Variants in SYT16 observed in about 807,000 individuals in gnomAD.
SYT16 encodes synaptotagmin 16.
SYT16 carries 42 observed loss-of-function variants against 61.4 expected under a neutral mutation model. The ratio of observed to expected loss-of-function variants is 0.68; its 90% confidence interval spans 0.53 to 0.89. SYT16 has a LOEUF of 0.89. SYT16 is among the 40% of genes least tolerant of loss of function. The probability of loss-of-function intolerance (pLI) is 0.00; values close to 1 mark genes in which losing one functional copy is unlikely to be tolerated. For missense variants in SYT16, 804 were observed against 807.3 expected, an observed-to-expected ratio of 1.00 and a Z score of 0.05; for synonymous variants, 314 against 302.3, an observed-to-expected ratio of 1.04 and a Z score of -0.40.
intron 1 of SYT16, among the ~76,000 whole-genome samples, chr14:61,821,506 C>G (rs552383115): frequency 6.6e-6 from 1 of 152,196 alleles, no homozygotes; most frequent in Non-Finnish European, 1.5e-5. Flanking sequence ...AGATCCACTA[C>G]TGAGCTCATG....
intron 1 of SYT16, among the ~76,000 whole-genome samples, chr14:61,820,014 C>T (rs906478330): frequency 2.0e-5 from 3 of 152,172 alleles, no homozygotes; most frequent in Non-Finnish European, 4.4e-5. Flanking sequence ...TGAGAACAAT[C>T]TGACTCAGAA....
chr14:61,833,969 G>C (rs1594720742), intron 1 of SYT16, among the ~76,000 whole-genome samples: 1 of 96,352 alleles, frequency 1.0e-5, no homozygotes, highest in South Asian at 3.6e-4. Context: ...CTCTGGCTTT[G>C]ATTTTTTTTT....
intron 1 of SYT16, among the ~76,000 whole-genome samples, chr14:61,910,048 A>G (rs781475838): frequency 3.9e-5 from 6 of 152,230 alleles, no homozygotes; most frequent in Non-Finnish European, 7.3e-5. Context: ...TCAGTTTTAC[A>G]GAACAGAAGC....
At chr14:61,990,310 G>A (rs1036520752) in intron 2 of SYT16, among the ~76,000 whole-genome samples, 4 of 152,082 alleles carry the variant, frequency 2.6e-5, no homozygotes, top group Non-Finnish European at 4.4e-5. Flanking sequence ...AATAACCAAC[G>A]TTTTATAGGT....
intron 1 of SYT16, among the ~76,000 whole-genome samples, chr14:61,830,427 A>G (rs1566613625): frequency 6.6e-6 from 1 of 152,120 alleles, no homozygotes; most frequent in Non-Finnish European, 1.5e-5. Flanking sequence ...TTTAGTTTTT[A>G]TAGCCTTTGC....
At chr14:62,080,503 A>G (rs1199582069) in intron 5 of SYT16, among the ~76,000 whole-genome samples, 3 of 152,214 alleles carry the variant, frequency 2.0e-5, no homozygotes, top group African/African-American at 7.2e-5. Flanking sequence ...ACTTAATTTT[A>G]GATTTAGCAT....
intron 3 of SYT16, among the ~76,000 whole-genome samples, chr14:62,059,455 C>G (rs2055717441): frequency 6.7e-6 from 1 of 148,190 alleles, no homozygotes; most frequent in East Asian, 2.0e-4. Flanking sequence ...TATTTTCCCT[C>G]AGCCTATGGT....
At chr14:61,891,163 G>A (rs2048110454) in intron 1 of SYT16, among the ~76,000 whole-genome samples, 1 of 151,902 alleles carries the variant, frequency 6.6e-6, no homozygotes, top group African/African-American at 2.4e-5. Flanking sequence ...ATTCCTTGAT[G>A]AGCATTTGAG....
At chr14:62,047,687 G>T (rs1163432830) in intron 3 of SYT16, among the ~76,000 whole-genome samples, 1 of 152,082 alleles carries the variant, frequency 6.6e-6, no homozygotes, top group Non-Finnish European at 1.5e-5. Context: ...ACCATGAAGG[G>T]TTGTTAAATT....
At chr14:61,966,657 C>A (rs2051326962) in intron 1 of SYT16, among the ~76,000 whole-genome samples, 1 of 152,024 alleles carries the variant, frequency 6.6e-6, no homozygotes, top group Non-Finnish European at 1.5e-5. Flanking sequence ...TTTCATGCTG[C>A]TTTTATGATG....
At chr14:61,892,110 A>T (rs912564192) in intron 1 of SYT16, among the ~76,000 whole-genome samples, 1 of 150,550 alleles carries the variant, frequency 6.6e-6, no homozygotes, top group African/African-American at 2.5e-5. Flanking sequence ...CCCTTTCTGC[A>T]TCTCTGCCCC....
In SYT16 at chr14:61,820,469, G is replaced by GTTTTTTTTTTT. The variant is rs71117856; in HGVS notation, c.-325+7679_-325+7689dup. Among the ~76,000 whole-genome samples, 12 of 61,090 alleles carry GTTTTTTTTTTT rather than the reference G, an allele frequency of 2.0e-4. 2 individuals carry two copies. The highest frequency in any genetic ancestry group is 5.8e-4 in the East Asian group (1 of 1,712). 40.1% of individuals were successfully genotyped at this position (61,090 alleles called of 152,430 possible). Reference sequence around the variant, plus strand: ...ATATGCTTCAGGGCACCTCTTCAGAGTTTTTTTTTTTTTTTTTTTTTTTTT... The same window carrying GTTTTTTTTTTT: ...ATATGCTTCAGGGCACCTCTTCAGAGTTTTTTTTTTTTTTTTTTTTTTTTTTTTTTTTTTTT... On this transcript the variant is annotated intron_variant, in intron 1 of 7. Coordinates refer to ENST00000683842, the MANE Select transcript of SYT16 (RefSeq NM_001367656.1).
intron 1 of SYT16, among the ~76,000 whole-genome samples, chr14:61,817,341 C>T (rs2045474151): frequency 1.3e-5 from 2 of 151,352 alleles, no homozygotes; most frequent in African/African-American, 4.9e-5. Flanking sequence ...TCTCTTGAAC[C>T]CAGAAGGTAG....
chr14:62,075,275 G>C lies in SYT16; in HGVS notation c.877G>C (p.Val293Leu), dbSNP rs1454160966. Reference sequence around the variant, plus strand: ...CACATCTCACCAAGAGTCCAGTGTGGTCCAAAGCCTCAGGCGCCAATCCAC... The same window carrying C: ...CACATCTCACCAAGAGTCCAGTGTGCTCCAAAGCCTCAGGCGCCAATCCAC... ...HGTSHQESSV[V>L]QSLRRQSTEG... is the part of the protein sequence containing the mutation. Residue 293 changes from valine to leucine, a missense_variant, in exon 5 of 8, where the codon GTC (valine) becomes CTC (leucine). Transcript: ENST00000683842. 3.7e-6 allele frequency: 6 copies of C among 1,613,770 alleles called. No homozygotes were observed. The highest frequency in any genetic ancestry group is 5.1e-6 in the Non-Finnish European group (6 of 1,179,870).
intron 1 of SYT16, among the ~76,000 whole-genome samples, chr14:61,857,454 T>A (rs2046812048): frequency 6.6e-6 from 1 of 152,342 alleles, no homozygotes; most frequent in East Asian, 1.9e-4. Context: ...AAGTGTCTAC[T>A]TCGAAGATTG....
At chr14:61,816,919 G>A (rs2045450963) in intron 1 of SYT16, among the ~76,000 whole-genome samples, 1 of 151,860 alleles carries the variant, frequency 6.6e-6, no homozygotes, top group African/African-American at 2.4e-5. Flanking sequence ...GCTGAGGCAG[G>A]AGAATGGCGT....
At chr14:61,978,028 A>G (rs897704818) in intron 2 of SYT16, among the ~76,000 whole-genome samples, 2 of 151,902 alleles carry the variant, frequency 1.3e-5, no homozygotes, top group African/African-American at 2.4e-5. Context: ...TATCATTCCA[A>G]TCTCTGCCTC....
chr14:62,035,624 G>A (rs1453341170), intron 3 of SYT16, among the ~76,000 whole-genome samples: 2 of 152,116 alleles, frequency 1.3e-5, no homozygotes, highest in African/African-American at 4.8e-5. Flanking sequence ...CTTACCAATG[G>A]GTGTTGTTCC....
At chr14:62,075,092 T>TA (rs1003753137) in intron 4 of SYT16, 43 bp from the exon 5 acceptor site, 7 of 1,553,184 alleles carry the variant, frequency 4.5e-6, no homozygotes, top group Non-Finnish European at 6.1e-6. Context: ...AAAAAGGTGT[T>TA]AAAAATAATG....
Sources: allele counts gnomAD v4.1 joint callset (sites outside exome capture counted in the v4.1 genomes callset), GRCh38; gene constraint gnomAD v4.1.1; transcripts MANE v1.5; gene names NCBI Gene and HGNC (gene_info 2026-07-23, HGNC 2026-07-21).